The following PGM5 variants were observed in gnomAD, a reference collection of about 807,000 sequenced individuals.
The protein encoded by PGM5 is phosphoglucomutase-like protein 5.
PGM5 carries 23 observed loss-of-function variants against 59.2 expected under a neutral mutation model. The observed-to-expected ratio is 0.39, with a 90% CI of 0.28 to 0.55. The LOEUF (loss-of-function observed/expected upper bound fraction) is 0.55, where lower values mean the gene tolerates loss of function less well. Ranked by LOEUF, PGM5 falls within the 20% of genes least tolerant of loss-of-function variation. The pLI is 0.66. For missense variants in PGM5, 574 were observed against 748.3 expected (o/e 0.77, Z 2.72); for synonymous variants, 214 against 286.0 (o/e 0.75, Z 2.54).
chr9:68,413,760 A>C (rs1357645511), intron 6 of PGM5, among the ~76,000 whole-genome samples: 5 of 152,212 alleles, frequency 3.3e-5, no homozygotes, highest in African/African-American at 4.8e-5. Context: ...GCTAGTGCCC[A>C]TGATGTCCTG....
intron 6 of PGM5, among the ~76,000 whole-genome samples, chr9:68,442,532 G>A (rs1236574198): frequency 6.6e-6 from 1 of 152,108 alleles, no homozygotes; most frequent in East Asian, 1.9e-4. Flanking sequence ...CAAAGTGCTG[G>A]GAGTAATCAC....
chr9:68,455,697 T>C (rs1342948145), intron 6 of PGM5, among the ~76,000 whole-genome samples: 3 of 152,130 alleles, frequency 2.0e-5, no homozygotes, highest in African/African-American at 7.2e-5. Flanking sequence ...CCTGGTGGCA[T>C]TGGTGGGTTC....
At chr9:68,361,705 T>C (rs1834583434) in intron 1 of PGM5, among the ~76,000 whole-genome samples, 1 of 152,210 alleles carries the variant, frequency 6.6e-6, no homozygotes, top group South Asian at 2.1e-4. Flanking sequence ...CCTTATGATC[T>C]AATGACCGCC....
intron 3 of PGM5, among the ~76,000 whole-genome samples, chr9:68,386,349 T>TA (rs1326755617): frequency 6.6e-6 from 1 of 152,144 alleles, no homozygotes; most frequent in Non-Finnish European, 1.5e-5. Flanking sequence ...GCTCCTCATG[T>TA]AAAAAGATAA....
chr9:68,482,884 C>T (rs1824220926), intron 8 of PGM5, among the ~76,000 whole-genome samples: 1 of 152,228 alleles, frequency 6.6e-6, no homozygotes. Context: ...ATGACAAATG[C>T]AATTGGTATT....
chr9:68,357,381 C>T lies in PGM5; in HGVS notation c.254C>T (p.Ala85Val). The change falls in exon 1 of 11, where the codon GCC becomes GTC. Residue 85 changes from alanine to valine, a missense_variant. Transcript: ENST00000396396. ...AIEIVVQMAA[A>V]NGIGRLIIGQ... ...GAGATCGTGGTGCAGATGGCCGCGGCCAACGGGGTGAGTGTCCGGATGCCC... is the reference window on the plus strand; with the variant it reads ...GAGATCGTGGTGCAGATGGCCGCGGTCAACGGGGTGAGTGTCCGGATGCCC... 1 of 1,557,596 alleles carries T rather than the reference C, an allele frequency of 6.4e-7. No homozygotes were observed. Among genetic ancestry groups the T allele is most frequent in the South Asian group, 1.2e-5 (1 of 84,714 alleles).
rs2810280 is a variant in PGM5 at position 68,362,821 on chromosome 9, T to A, written c.261+5433T>A. On this transcript the variant is annotated intron_variant, in intron 1 of 10. Coordinates refer to ENST00000396396, the MANE Select transcript of PGM5 (RefSeq NM_021965.4). ...AATCATCTTCAATATTGGACAGATG[T>A]CAGCACTGTGCCTGCCTCAAGATGT... Among the ~76,000 whole-genome samples, 632 of 150,102 alleles carry A rather than the reference T, an allele frequency of 4.2e-3. 5 individuals are homozygous for A. The highest frequency in any genetic ancestry group is 0.015 in the African/African-American group (591 of 40,696).
chr9:68,423,653 C>A (rs868957563), intron 6 of PGM5, among the ~76,000 whole-genome samples: 1 of 95,284 alleles, frequency 1.0e-5, no homozygotes, highest in Non-Finnish European at 2.5e-5. Context: ...CTCTCTCTCT[C>A]TGTCTCTCTC....
At chr9:68,450,121 C>T (rs1019033617) in intron 6 of PGM5, among the ~76,000 whole-genome samples, 1 of 152,090 alleles carries the variant, frequency 6.6e-6, no homozygotes, top group African/African-American at 2.4e-5. Flanking sequence ...ATACATGAAT[C>T]AAAATTCAGC....
Position 68,522,259 on chromosome 9 carries a change from T to G in PGM5, c.1615-7308T>G, listed in dbSNP as rs150559202. On this transcript the variant is annotated intron_variant, in intron 10 of 10. Coordinates refer to ENST00000396396, the MANE Select transcript of PGM5 (RefSeq NM_021965.4). ...GAACAAGTCTCTTGTAAAAAGAAGC[T>G]CTCTCTGATGAAACTGAGAACAGAT... 3.5e-4 allele frequency among the ~76,000 whole-genome samples: 54 copies of G among 152,140 alleles called. No individual in the cohort carries two copies. In the East Asian group the frequency reaches 9.5e-3, roughly 27 times the overall value.
chr9:68,362,546 CTT>C (rs1218922868), intron 1 of PGM5, among the ~76,000 whole-genome samples: 2 of 152,124 alleles, frequency 1.3e-5, no homozygotes, highest in Non-Finnish European at 2.9e-5. Context: ...TAAATAGTAT[CTT>C]TAAACGAATT....
chr9:68,438,407 G>T (rs1203690381), intron 6 of PGM5, among the ~76,000 whole-genome samples: 3 of 151,532 alleles, frequency 2.0e-5, no homozygotes, highest in Non-Finnish European at 4.4e-5. Flanking sequence ...CATTTCCTGT[G>T]GAGCTTTCCA....
chr9:68,430,190 T>C (rs1554682916), intron 6 of PGM5, among the ~76,000 whole-genome samples: 1 of 152,260 alleles, frequency 6.6e-6, no homozygotes, highest in Non-Finnish European at 1.5e-5. Flanking sequence ...CTCTATGGTT[T>C]TGAAATTTAA....
chr9:68,505,965 A>C (rs1230724528), intron 10 of PGM5, among the ~76,000 whole-genome samples: 2 of 152,152 alleles, frequency 1.3e-5, no homozygotes, highest in African/African-American at 4.8e-5. Flanking sequence ...CACTAGCATA[A>C]AGTCTGCTGT....
At chr9:68,358,052 T>A (rs1342133570) in intron 1 of PGM5, among the ~76,000 whole-genome samples, 1 of 152,082 alleles carries the variant, frequency 6.6e-6, no homozygotes, top group Non-Finnish European at 1.5e-5. Context: ...ATGATTTATT[T>A]AATTAGGGTA....
At chr9:68,432,499 C>T (rs1181133584) in intron 6 of PGM5, among the ~76,000 whole-genome samples, 2 of 151,792 alleles carry the variant, frequency 1.3e-5, no homozygotes, top group Admixed American at 6.6e-5. Context: ...TTGTGCCTGA[C>T]CATGTTTTAA....
intron 10 of PGM5, among the ~76,000 whole-genome samples, chr9:68,511,249 C>G (rs1824744816): frequency 6.6e-6 from 1 of 152,150 alleles, no homozygotes; most frequent in African/African-American, 2.4e-5. Flanking sequence ...GATGCTATAT[C>G]AGGGTCAGGT....
chr9:68,399,026 A>G (rs567017123), intron 6 of PGM5: 25 of 152,280 alleles, frequency 1.6e-4, no homozygotes, highest in African/African-American at 5.5e-4. Context: ...TATTTTTTGC[A>G]TATATTTTTA....
intron 6 of PGM5, among the ~76,000 whole-genome samples, chr9:68,459,054 T>C (rs1823819952): frequency 6.6e-6 from 1 of 152,196 alleles, no homozygotes; most frequent in South Asian, 2.1e-4. Flanking sequence ...GGCTGTTGTG[T>C]TTAATGTCTG....
Sources: allele counts gnomAD v4.1 joint callset (sites outside exome capture counted in the v4.1 genomes callset), GRCh38; gene constraint gnomAD v4.1.1; transcripts MANE v1.5; gene names NCBI Gene and HGNC (gene_info 2026-07-23, HGNC 2026-07-21).